The following ASB4 variants were observed in gnomAD, a reference collection of about 807,000 sequenced individuals.
ASB4 encodes ankyrin repeat and SOCS box protein 4.
In ASB4, 35 loss-of-function variants were observed where a neutral mutation model predicts 38.6. That is an observed-to-expected ratio of 0.91 (90% CI 0.69 to 1.20). ASB4 has a LOEUF of 1.20. Ranked by LOEUF, ASB4 falls within the 50% of genes most tolerant of loss-of-function variation. ASB4 has a pLI of 0.00. For missense variants in ASB4, 557 were observed against 527.2 expected (o/e 1.06, Z -0.55); for synonymous variants, 195 against 201.3 (o/e 0.97, Z 0.26).
intron 2 of ASB4, among the ~76,000 whole-genome samples, chr7:95,513,243 T>G (rs7455777): frequency 1.4e-4 from 19 of 134,454 alleles, no homozygotes; most frequent in Admixed American, 8.3e-4. Flanking sequence ...GTTTTTTTTG[T>G]TTTTTGTTTG....
At chr7:95,547,904 A>T in the ASB4 span, among the ~76,000 whole-genome samples, 577 of 152,270 alleles carry the variant, frequency 3.8e-3, 3 homozygotes, top group African/African-American at 0.013. Flanking sequence ...CAGATTTCAA[A>T]CTTGTTAGTC....
intron 2 of ASB4, among the ~76,000 whole-genome samples, chr7:95,499,258 G>A (rs1790296262): frequency 2.0e-5 from 3 of 152,144 alleles, no homozygotes; most frequent in Admixed American, 2.0e-4. Context: ...GGAAATCAAT[G>A]GAATCGCCTG....
intron 3 of ASB4, among the ~76,000 whole-genome samples, chr7:95,535,888 G>C (rs914826981): frequency 3.9e-5 from 6 of 152,168 alleles, no homozygotes; most frequent in Non-Finnish European, 7.4e-5. Flanking sequence ...TTACCTCGTG[G>C]TCACCAGTGA....
At position 95,537,622 on chromosome 7, in the gene ASB4, A is replaced by C; in HGVS notation, c.1144A>C (p.Arg382=). ...CTTTACTGTGTGCTGTAACTCTCCA[A>C]GGACTCTCATGCACTTATCGAGATG... The part of the protein sequence containing the change: ...SLFTVCCNSP[R]TLMHLSRCAI... Residue 382 remains arginine (R), a synonymous_variant, in exon 5 of 5, where the codon AGG becomes CGG. Transcript: ENST00000325885. 1 of 1,613,480 alleles carries C rather than the reference A, an allele frequency of 6.2e-7. No homozygotes were observed.
chr7:95,498,817 T>C (rs1321779610), intron 2 of ASB4, among the ~76,000 whole-genome samples: 1 of 152,182 alleles, frequency 6.6e-6, no homozygotes, highest in East Asian at 1.9e-4. Flanking sequence ...TGAGTTAATT[T>C]TTTTATATGG....
chr7:95,523,567 A>G (rs565090650), intron 2 of ASB4, among the ~76,000 whole-genome samples: 144 of 152,308 alleles, frequency 9.5e-4, no homozygotes, highest in African/African-American at 3.4e-3. Context: ...TAGTGAGGTA[A>G]TTAGTCTTAT....
downstream of ASB4, chr7:95,542,948 A>G (rs115038527): frequency 3.3e-5 from 5 of 152,350 alleles, no homozygotes; most frequent in East Asian, 3.9e-4. Context: ...TAAGCAGAGA[A>G]AAATGGACAA....
chr7:95,524,081 T>C (rs1278516522), intron 2 of ASB4, among the ~76,000 whole-genome samples: 1 of 152,154 alleles, frequency 6.6e-6, no homozygotes, highest in Non-Finnish European at 1.5e-5. Context: ...TGACAGTACT[T>C]AATGAAGTTG....
intron 2 of ASB4, among the ~76,000 whole-genome samples, chr7:95,515,267 C>CTT (rs1554349263): frequency 0.011 from 827 of 72,318 alleles, 10 homozygotes; most frequent in East Asian, 0.018. Flanking sequence ...TTCTTTCTTT[C>CTT]TCTTTCTTTC....
the ASB4 span, among the ~76,000 whole-genome samples, chr7:95,546,580 C>A: frequency 6.6e-6 from 1 of 152,072 alleles, no homozygotes; most frequent in Non-Finnish European, 1.5e-5. Flanking sequence ...AATAACCAAC[C>A]AAAATATTCT....
chr7:95,548,002 G>A, the ASB4 span, among the ~76,000 whole-genome samples: 2 of 152,194 alleles, frequency 1.3e-5, no homozygotes, highest in African/African-American at 4.8e-5. Context: ...TCTTTGGAGA[G>A]TCTTGACTAA....
upstream of ASB4, among the ~76,000 whole-genome samples, chr7:95,475,051 G>GT (rs1562805423): frequency 1.3e-5 from 2 of 152,134 alleles, no homozygotes; most frequent in East Asian, 3.9e-4. Context: ...TAGACAAGCT[G>GT]TTTTTTATGT....
chr7:95,508,468 T>C (rs970721128), intron 2 of ASB4, among the ~76,000 whole-genome samples: 7 of 152,218 alleles, frequency 4.6e-5, no homozygotes, highest in African/African-American at 1.7e-4. Flanking sequence ...TTATAGAGAA[T>C]AATTATTATA....
chr7:95,524,443 A>G (rs766853284), intron 2 of ASB4, among the ~76,000 whole-genome samples: 4 of 152,138 alleles, frequency 2.6e-5, no homozygotes, highest in Non-Finnish European at 4.4e-5. Flanking sequence ...TGGGGCTAAG[A>G]GTGTCTAATT....
At chr7:95,485,068 A>G (rs1327724003), upstream of ASB4, among the ~76,000 whole-genome samples, 1 of 148,510 alleles carries the variant, frequency 6.7e-6, no homozygotes, top group Admixed American at 6.7e-5. Flanking sequence ...ATATATATGT[A>G]TATACACATA....
chr7:95,476,079 G>A (rs1281169215), upstream of ASB4, among the ~76,000 whole-genome samples: 1 of 152,144 alleles, frequency 6.6e-6, no homozygotes, highest in Non-Finnish European at 1.5e-5. Flanking sequence ...CCTGTGTTTC[G>A]TATTTCTGGC....
intron 3 of ASB4, among the ~76,000 whole-genome samples, chr7:95,535,212 G>T (rs1444466451): frequency 6.6e-6 from 1 of 152,248 alleles, no homozygotes; most frequent in Non-Finnish European, 1.5e-5. Flanking sequence ...CTATGAGGAA[G>T]GTTGTCGAGC....
intron 1 of ASB4, among the ~76,000 whole-genome samples, chr7:95,486,661 G>C (rs10480616): frequency 6.6e-6 from 1 of 152,296 alleles, no homozygotes; most frequent in Non-Finnish European, 1.5e-5. Context: ...GGTGCCACAG[G>C]CACCTTCATG....
chr7:95,491,118 C>A (rs182531062), intron 1 of ASB4, among the ~76,000 whole-genome samples: 4 of 152,308 alleles, frequency 2.6e-5, no homozygotes, highest in Admixed American at 2.0e-4. Flanking sequence ...CAGATTCTGG[C>A]ATGCAGATAA....
Sources: allele counts gnomAD v4.1 joint callset (sites outside exome capture counted in the v4.1 genomes callset), GRCh38; gene constraint gnomAD v4.1.1; transcripts MANE v1.5; gene names NCBI Gene and HGNC (gene_info 2026-07-23, HGNC 2026-07-21).